The following FASTKD2 variants were observed in gnomAD, a reference collection of about 807,000 sequenced individuals.
FASTKD2 encodes the protein FAST kinase domain-containing protein 2, mitochondrial.
Under a neutral mutation model 63.6 loss-of-function variants are expected in FASTKD2, and 51 were observed. The ratio of observed to expected loss-of-function variants is 0.80; its 90% confidence interval spans 0.64 to 1.01. The LOEUF is 1.01. Among genes scored for constraint, FASTKD2 ranks in the 50% least tolerant of loss-of-function variants. The pLI, the probability that FASTKD2 is intolerant of heterozygous loss-of-function variation, is 0.00. For synonymous variants in FASTKD2, 284 were observed against 293.4 expected, an observed-to-expected ratio of 0.97 and a Z score of 0.33; for missense variants, 786 against 831.1, an observed-to-expected ratio of 0.95 and a Z score of 0.67.
chr2:206,796,001 G>C lies in FASTKD2; in HGVS notation c.*4199G>C, dbSNP rs146262081. ...AGTCAGACTAAAGGCTGCTCCTTCA[G>C]CCTTTCCATTCATCTTGTAAGCAGG... is the stretch of plus-strand genomic sequence containing the variant. On this transcript the variant is annotated 3_prime_UTR_variant, in exon 12 of 12. Coordinates refer to ENST00000402774, the MANE Select transcript of FASTKD2 (RefSeq NM_001136193.2). Among the ~76,000 whole-genome samples the C allele has an allele frequency of 5.1e-4, 77 of 152,282 alleles. No individual in the cohort carries two copies. Among genetic ancestry groups the C allele is most frequent in the Non-Finnish European group, 8.7e-4 (59 of 68,028 alleles).
intron 7 of FASTKD2, among the ~76,000 whole-genome samples, chr2:206,782,204 T>C (rs1252418946): frequency 6.6e-6 from 1 of 152,142 alleles, no homozygotes; most frequent in Non-Finnish European, 1.5e-5. Flanking sequence ...AAGGGAGAAG[T>C]CCTAGGCCAA....
intron 7 of FASTKD2, among the ~76,000 whole-genome samples, chr2:206,777,180 A>G (rs996925958): frequency 2.0e-5 from 3 of 152,002 alleles, no homozygotes; most frequent in Non-Finnish European, 4.4e-5. Context: ...TTTCATTTGC[A>G]TAATTACTCT....
intron 7 of FASTKD2, among the ~76,000 whole-genome samples, chr2:206,781,092 C>T (rs978649733): frequency 6.6e-6 from 1 of 152,038 alleles, no homozygotes; most frequent in African/African-American, 2.4e-5. Context: ...AGATCTTCAT[C>T]TCTTTAATGT....
rs1394991681 is a variant in FASTKD2, at chr2:206,795,275, C to T, written c.*3473C>T. ...CTGAGACGGAGTCGTGGTCTGTCGC[C>T]CAGGCTGGAGTGCTGTGGCGTGATC... On this transcript the variant is annotated 3_prime_UTR_variant, in exon 12 of 12. Transcript: ENST00000402774. Among the ~76,000 whole-genome samples the T allele has an allele frequency of 6.6e-6, 1 of 152,176 alleles. No homozygotes were observed. The highest frequency in any genetic ancestry group is 1.5e-5 in the Non-Finnish European group (1 of 68,024).
chr2:206,790,730 A>G, intron 11 of FASTKD2, 44 bp downstream of exon 11: 1 of 1,100,958 alleles, frequency 9.1e-7, no homozygotes, highest in Non-Finnish European at 1.4e-6. Context: ...TTACTGATGT[A>G]CATTCTAACA....
At chr2:206,766,073 A>G (rs2105968180) in intron 1 of FASTKD2, among the ~76,000 whole-genome samples, 1 of 152,062 alleles carries the variant, frequency 6.6e-6, no homozygotes, top group African/African-American at 2.4e-5. Context: ...CAGCCTGGCC[A>G]ACATGGTGAA....
At chr2:206,768,021 A>G (rs1184542843) in intron 2 of FASTKD2, among the ~76,000 whole-genome samples, 1 of 152,186 alleles carries the variant, frequency 6.6e-6, no homozygotes, top group Non-Finnish European at 1.5e-5. Context: ...CAAGTTTTGT[A>G]CATGGCGATC....
Position 206,771,888 on chromosome 2 carries a change from C to G in FASTKD2, c.991-6C>G. 6.3e-7 allele frequency: 1 copy of G among 1,592,586 alleles called. No individual in the cohort carries two copies. Among genetic ancestry groups the G allele is most frequent in the Non-Finnish European group, 8.6e-7 (1 of 1,160,782 alleles). ...TAAATTAAATTAAAATTTGTTTTTT[C>G]TTTAGATGAAAGCCTTGAGGGAATT... On this transcript the variant is annotated splice_polypyrimidine_tract_variant and splice_region_variant and intron_variant, in intron 4 of 11. Coordinates refer to ENST00000402774, the MANE Select transcript of FASTKD2 (RefSeq NM_001136193.2).
At chr2:206,787,342 C>G (rs1272115383) in intron 8 of FASTKD2, among the ~76,000 whole-genome samples, 1 of 152,142 alleles carries the variant, frequency 6.6e-6, no homozygotes, top group Non-Finnish European at 1.5e-5. Context: ...AACCAAATAG[C>G]CACCAAATTA....
At chr2:206,787,100 G>A (rs1414570943) in intron 8 of FASTKD2, among the ~76,000 whole-genome samples, 2 of 152,044 alleles carry the variant, frequency 1.3e-5, no homozygotes, top group East Asian at 3.9e-4. Context: ...CTTCTTTAAT[G>A]ACAAGTCCTA....
intron 7 of FASTKD2, among the ~76,000 whole-genome samples, chr2:206,778,712 C>T (rs933798114): frequency 5.9e-5 from 9 of 151,826 alleles, no homozygotes; most frequent in South Asian, 4.2e-4. Flanking sequence ...GGTACCAGTC[C>T]GTGGCCTGTT....
chr2:206,775,787 A>C (rs1689808635), intron 7 of FASTKD2, among the ~76,000 whole-genome samples: 2 of 151,768 alleles, frequency 1.3e-5, no homozygotes, highest in Non-Finnish European at 3.0e-5. Context: ...CTACTTTTAC[A>C]TTTTTCAAGG....
chr2:206,778,949 C>G (rs13427002), intron 7 of FASTKD2, among the ~76,000 whole-genome samples: 38,015 of 151,980 alleles, frequency 0.25, 5,699 homozygotes, highest in East Asian at 0.71. Flanking sequence ...TGCCAAAAAG[C>G]TTGGGGACCA....
At chr2:206,776,810 T>G (rs1048606111) in intron 7 of FASTKD2, among the ~76,000 whole-genome samples, 1 of 151,910 alleles carries the variant, frequency 6.6e-6, no homozygotes, top group Non-Finnish European at 1.5e-5. Context: ...GAATTTTAAG[T>G]TTTTTTTCTA....
intron 7 of FASTKD2, 160 bp from the exon 8 acceptor site, chr2:206,786,573 A>G: frequency 5.7e-6 from 4 of 700,768 alleles, no homozygotes; most frequent in South Asian, 4.7e-5. Context: ...AATAGCCAAC[A>G]TTTATTGAAT....
At chr2:206,784,984 T>C (rs1394202986) in intron 7 of FASTKD2, among the ~76,000 whole-genome samples, 2 of 152,140 alleles carry the variant, frequency 1.3e-5, no homozygotes, top group Non-Finnish European at 2.9e-5. Flanking sequence ...TACCCGAGAC[T>C]GGGCACTTTA....
chr2:206,791,634 T>C, intron 11 of FASTKD2, 49 bp from the exon 12 acceptor site: 1 of 1,588,518 alleles, frequency 6.3e-7, no homozygotes, highest in Non-Finnish European at 8.6e-7. Context: ...ACTAGCTCTT[T>C]TGTTAGTATC....
At chr2:206,784,062 C>T (rs1690069994) in intron 7 of FASTKD2, among the ~76,000 whole-genome samples, 1 of 152,196 alleles carries the variant, frequency 6.6e-6, no homozygotes, top group Admixed American at 6.5e-5. Flanking sequence ...CTCAACATTT[C>T]TCCAAAGGAG....
chr2:206,786,923 T>C, intron 8 of FASTKD2, 24 bp downstream of exon 8: 2 of 1,193,522 alleles, frequency 1.7e-6, no homozygotes, highest in African/African-American at 1.5e-5. Context: ...GCAGAATTGG[T>C]CACCAATTGT....
Sources: allele counts gnomAD v4.1 joint callset (sites outside exome capture counted in the v4.1 genomes callset), GRCh38; gene constraint gnomAD v4.1.1; transcripts MANE v1.5; gene names NCBI Gene and HGNC (gene_info 2026-07-23, HGNC 2026-07-21).